The following STK39 variants were observed in gnomAD, a reference collection of about 807,000 sequenced individuals.
STK39 encodes the protein serine/threonine kinase 39.
A neutral mutation model predicts 77.8 loss-of-function variants in STK39; 20 were observed. That is an observed-to-expected ratio of 0.26 (90% confidence interval 0.18 to 0.37). The LOEUF (loss-of-function observed/expected upper bound fraction) is 0.37. STK39 is among the 10% of genes least tolerant of loss of function. The probability of loss-of-function intolerance (pLI) is 1.00; values close to 1 mark genes in which losing one functional copy is unlikely to be tolerated. For missense variants in STK39, 479 were observed against 656.5 expected, an observed-to-expected ratio of 0.73 and a Z score of 2.95; for synonymous variants, 246 against 234.1, an observed-to-expected ratio of 1.05 and a Z score of -0.47.
At chr2:168,070,780 C>CT (rs1185465115) in intron 12 of STK39, among the ~76,000 whole-genome samples, 4 of 151,988 alleles carry the variant, frequency 2.6e-5, no homozygotes, top group South Asian at 4.2e-4. Flanking sequence ...TGAACTCATC[C>CT]TTTTTTTAAT....
rs773594176 is a variant in STK39 at position 168,065,335 on chromosome 2, G to C, written c.1289C>G (p.Ser430Cys). ...GAAACATACCTGAGAGTCGTGCACA[G>C]AGAGGGACTGTATTTGTTCGGGGAT... ...STIPEQIQSL[S>C]VHDSQGPPNA... Residue 430 changes from serine (S) to cysteine (C), a missense_variant, in exon 13 of 18, where the codon TCT becomes TGT. By Grantham distance (112) the Ser-to-Cys change is moderately radical. Coordinates refer to ENST00000355999, the MANE Select transcript of STK39 (RefSeq NM_013233.3). 1.2e-6 allele frequency: 2 copies of C among 1,613,962 alleles called. No homozygotes were observed. Among genetic ancestry groups the C allele is most frequent in the African/African-American group, 2.7e-5 (2 of 74,912 alleles).
intron 5 of STK39, among the ~76,000 whole-genome samples, chr2:168,151,668 G>A (rs997004898): frequency 1.3e-5 from 2 of 150,996 alleles, no homozygotes; most frequent in Non-Finnish European, 2.9e-5. Flanking sequence ...GAACCCAGGA[G>A]GTGGAGGTTG....
chr2:168,138,800 C>T (rs1687902712), intron 7 of STK39, among the ~76,000 whole-genome samples: 1 of 152,114 alleles, frequency 6.6e-6, no homozygotes, highest in African/African-American at 2.4e-5. Context: ...AACTGAGTTG[C>T]TAAAAACTGT....
At chr2:168,204,027 G>T (rs1689679534) in intron 1 of STK39, among the ~76,000 whole-genome samples, 1 of 152,224 alleles carries the variant, frequency 6.6e-6, no homozygotes, top group Admixed American at 6.5e-5. Flanking sequence ...CCAGCCACTT[G>T]AAAACACAGT....
At chr2:168,148,579 G>A (rs1283547138) in intron 5 of STK39, among the ~76,000 whole-genome samples, 1 of 152,186 alleles carries the variant, frequency 6.6e-6, no homozygotes. Context: ...AACAAGACCG[G>A]CAGCAGCAGC....
chr2:168,184,014 C>G (rs777763393), intron 1 of STK39, among the ~76,000 whole-genome samples: 1 of 152,210 alleles, frequency 6.6e-6, no homozygotes, highest in Non-Finnish European at 1.5e-5. Context: ...GGTGGGAAAC[C>G]ATCCTCAGCT....
rs1057074180 is a variant in STK39 at position 167,992,445 on chromosome 2, G to C, written c.1498+20189C>G. ...ACTGTCTGGAACTGGGGTCAGAGCA[G>C]AAAGAAGGATGTGGGATGAATTATT... is the stretch of plus-strand genomic sequence containing the variant. On this transcript the variant is annotated intron_variant, in intron 16 of 17. Transcript: ENST00000355999. Among the ~76,000 whole-genome samples the C allele has an allele frequency of 3.6e-4, 55 of 152,174 alleles. 1 individual carries two copies. Among genetic ancestry groups the C allele is most frequent in the Non-Finnish European group, 1.6e-4 (11 of 68,038 alleles).
At chr2:168,234,701 T>C (rs6730105) in intron 1 of STK39, among the ~76,000 whole-genome samples, 114,278 of 152,128 alleles carry the variant, frequency 0.75, 44,358 homozygotes, top group Non-Finnish European at 0.86. Context: ...AGACATTGTA[T>C]ATTTACATAT....
chr2:167,970,270 A>G (rs1692294642), intron 16 of STK39, among the ~76,000 whole-genome samples: 1 of 152,174 alleles, frequency 6.6e-6, no homozygotes, highest in Non-Finnish European at 1.5e-5. Flanking sequence ...CCAACTCCAC[A>G]TACCCAGAAA....
intron 1 of STK39, among the ~76,000 whole-genome samples, chr2:168,231,661 C>T (rs1487144714): frequency 1.3e-5 from 2 of 152,010 alleles, no homozygotes; most frequent in African/African-American, 4.8e-5. Flanking sequence ...CAGATCTTTG[C>T]TTCTCGAATT....
chr2:168,129,753 G>A lies in STK39; in HGVS notation c.980C>T (p.Thr327Ile). Residue 327 changes from threonine (T) to isoleucine (I), a missense_variant, in exon 9 of 18, where the codon ACA becomes ATA. Physicochemically the swap from Thr to Ile is moderately conservative, Grantham distance 89. Coordinates refer to ENST00000355999, the MANE Select transcript of STK39 (RefSeq NM_013233.3). ...TTTGCATTTTAAAAGTTCTGCTGCTGTGGGCCTGAAAGATCAATAATAAAT... is the reference window on the plus strand; with the variant it reads ...TTTGCATTTTAAAAGTTCTGCTGCTATGGGCCTGAAAGATCAATAATAAAT... ...CLQKDPSKRP[T>I]AAELLKCKFF... 1 of 1,613,734 alleles carries A rather than the reference G, an allele frequency of 6.2e-7. No individual in the cohort carries two copies. Among genetic ancestry groups the A allele is most frequent in the South Asian group, 1.1e-5 (1 of 91,060 alleles).
chr2:168,220,866 G>T (rs1161488593), intron 1 of STK39, among the ~76,000 whole-genome samples: 1 of 152,140 alleles, frequency 6.6e-6, no homozygotes, highest in South Asian at 2.1e-4. Flanking sequence ...AATCTAGGCT[G>T]CATTGCAGGG....
rs560156092 is a variant in STK39, at chr2:168,103,959, C to T, written c.1089+25582G>A. On this transcript the variant is annotated intron_variant, in intron 10 of 17. Transcript: ENST00000355999. The stretch of plus-strand genomic sequence containing the variant: ...AAACCACAAATGTCAATCAGTTCAG[C>T]ACTGGTTGAACTATGGTATGTGCAT... Among the ~76,000 whole-genome samples the T allele has an allele frequency of 7.0e-4, 106 of 152,270 alleles. 1 individual carries two copies. The highest frequency in any genetic ancestry group is 2.5e-3 in the African/African-American group (104 of 41,564).
chr2:168,208,793 T>C (rs555049359), intron 1 of STK39, among the ~76,000 whole-genome samples: 17 of 152,274 alleles, frequency 1.1e-4, no homozygotes, highest in African/African-American at 3.9e-4. Context: ...TGAGCAGTGC[T>C]CCCATGACTC....
chr2:168,097,753 A>G (rs1686709526), intron 10 of STK39, among the ~76,000 whole-genome samples: 1 of 151,976 alleles, frequency 6.6e-6, no homozygotes, highest in African/African-American at 2.4e-5. Flanking sequence ...AAAAAAAAAA[A>G]GAAGACGAAG....
At chr2:168,069,909 G>A (rs538912211) in intron 12 of STK39, among the ~76,000 whole-genome samples, 28 of 152,188 alleles carry the variant, frequency 1.8e-4, no homozygotes, top group Non-Finnish European at 3.7e-4. Flanking sequence ...CTTAGCAAAT[G>A]CCCTCCTCAG....
At chr2:168,192,556 T>C (rs190292249) in intron 1 of STK39, among the ~76,000 whole-genome samples, 8 of 152,288 alleles carry the variant, frequency 5.3e-5, no homozygotes, top group African/African-American at 1.9e-4. Context: ...GATTGAGTGA[T>C]GGTTATGACG....
intron 8 of STK39, 85 bp downstream of exon 8, chr2:168,138,002 TC>T: frequency 6.7e-7 from 1 of 1,492,056 alleles, no homozygotes; most frequent in Non-Finnish European, 9.0e-7. Flanking sequence ...CTTTCCAGTG[TC>T]CTCACAAAGC....
At chr2:168,058,747 A>T (rs566209125) in intron 14 of STK39, among the ~76,000 whole-genome samples, 6 of 152,360 alleles carry the variant, frequency 3.9e-5, no homozygotes, top group Admixed American at 1.3e-4. Context: ...CACTTCCGTT[A>T]ATCCTCACTC....
Sources: allele counts gnomAD v4.1 joint callset (sites outside exome capture counted in the v4.1 genomes callset), GRCh38; gene constraint gnomAD v4.1.1; transcripts MANE v1.5; gene names NCBI Gene and HGNC (gene_info 2026-07-23, HGNC 2026-07-21).